GRIP1: variants seen among roughly 807,000 people sequenced by gnomAD.
The protein encoded by GRIP1 is glutamate receptor interacting protein 1, also known as glutamate receptor-interacting protein 1.
In GRIP1, 45 loss-of-function variants were observed where a neutral mutation model predicts 129.9. The observed-to-expected ratio is 0.35, with a 90% CI of 0.27 to 0.44. The LOEUF (loss-of-function observed/expected upper bound fraction) is 0.44, where lower values mean the gene tolerates loss of function less well. Ranked by LOEUF, GRIP1 falls within the 20% of genes least tolerant of loss-of-function variation. The pLI is 1.00. For synonymous variants in GRIP1, 530 were observed against 520.8 expected, an observed-to-expected ratio of 1.02 and a Z score of -0.24; for missense variants, 1,196 against 1,396.8, an observed-to-expected ratio of 0.86 and a Z score of 2.29.
At chr12:66,363,996 T>C (rs1168346) in intron 23 of GRIP1, among the ~76,000 whole-genome samples, 74,756 of 151,734 alleles carry the variant, frequency 0.49, 18,863 homozygotes, top group East Asian at 0.58. Flanking sequence ...CTCATGCCTA[T>C]AATCCCAGCA....
At chr12:66,776,629 T>A (rs2037989394) in intron 1 of GRIP1, among the ~76,000 whole-genome samples, 1 of 152,166 alleles carries the variant, frequency 6.6e-6, no homozygotes, top group Non-Finnish European at 1.5e-5. Context: ...CAGAGCAATA[T>A]TTGCTATAAT....
chr12:66,829,738 G>A (rs2039484083), intron 1 of GRIP1, among the ~76,000 whole-genome samples: 1 of 152,154 alleles, frequency 6.6e-6, no homozygotes, highest in Admixed American at 6.5e-5. Flanking sequence ...CAACCATACT[G>A]TGAGGTAAAC....
chr12:66,684,190 T>C (rs2034692419), intron 1 of GRIP1, among the ~76,000 whole-genome samples: 1 of 152,208 alleles, frequency 6.6e-6, no homozygotes, highest in African/African-American at 2.4e-5. Context: ...AATTTGACAC[T>C]TGCTTACAGA....
At chr12:66,633,697 G>T (rs933255741) in intron 1 of GRIP1, among the ~76,000 whole-genome samples, 13 of 152,102 alleles carry the variant, frequency 8.5e-5, no homozygotes, top group African/African-American at 2.4e-4. Flanking sequence ...AACTATAAGT[G>T]ACAGAACTAG....
At chr12:66,501,936 A>G (rs17102568) in intron 7 of GRIP1, among the ~76,000 whole-genome samples, 3,334 of 152,280 alleles carry the variant, frequency 0.022, 108 homozygotes, top group African/African-American at 0.077. Context: ...AAAATTTGTA[A>G]TTGTCAATGG....
chr12:66,999,681 G>A lies in GRIP1; in HGVS notation c.58+69369C>T, dbSNP rs79029961. 3.9e-5 allele frequency among the ~76,000 whole-genome samples: 6 copies of A among 152,212 alleles called. No individual in the cohort carries two copies. In the East Asian group the frequency reaches 5.8e-4, roughly 15 times the overall value. The stretch of plus-strand genomic sequence containing the variant: ...ATACAGAACTATCTAAATAATTAAT[G>A]TACATATGAAAGCACAAGGAGAAGC... On this transcript the variant is annotated intron_variant, in intron 1 of 1. Transcript: ENST00000643019.
chr12:66,390,539 G>A (rs1171881844), intron 19 of GRIP1, among the ~76,000 whole-genome samples: 1 of 152,140 alleles, frequency 6.6e-6, no homozygotes, highest in East Asian at 1.9e-4. Flanking sequence ...TTACTAGTGA[G>A]GGGCAGGTCC....
chr12:67,014,925 T>C (rs1438733191), intron 1 of GRIP1, among the ~76,000 whole-genome samples: 1 of 152,108 alleles, frequency 6.6e-6, no homozygotes, highest in Non-Finnish European at 1.5e-5. Context: ...AGTAGAAAAA[T>C]ATTTATTCTA....
intron 1 of GRIP1, among the ~76,000 whole-genome samples, chr12:66,903,633 C>G (rs2040879955): frequency 6.6e-6 from 1 of 152,030 alleles, no homozygotes; most frequent in South Asian, 2.1e-4. Context: ...ATCAAGTAAT[C>G]AAAGAAAGAT....
chr12:67,008,668 T>C (rs993544978), intron 1 of GRIP1, among the ~76,000 whole-genome samples: 2 of 152,094 alleles, frequency 1.3e-5, no homozygotes, highest in African/African-American at 4.8e-5. Context: ...CCTGGAAAAC[T>C]GAAATGATAA....
At chr12:66,811,602 GA>G (rs1213021927) in intron 1 of GRIP1, among the ~76,000 whole-genome samples, 2 of 151,828 alleles carry the variant, frequency 1.3e-5, no homozygotes, top group Admixed American at 6.6e-5. Flanking sequence ...GTCTCTCTCT[GA>G]TTCTCTCTCT....
intron 1 of GRIP1, among the ~76,000 whole-genome samples, chr12:66,612,501 T>C (rs2064848879): frequency 6.6e-6 from 1 of 151,732 alleles, no homozygotes; most frequent in Non-Finnish European, 1.5e-5. Flanking sequence ...TTTAAAAAGT[T>C]TTTCAAGTGC....
At chr12:66,388,020 A>G (rs550909230) in intron 19 of GRIP1, among the ~76,000 whole-genome samples, 24 of 152,282 alleles carry the variant, frequency 1.6e-4, no homozygotes, top group African/African-American at 5.8e-4. Context: ...CATAAAAGGA[A>G]TAAAATTTAA....
In GRIP1 at chr12:66,775,017, G is replaced by A. The variant is rs192413984; in HGVS notation, c.-420+29036C>T. ...CATTTCACAGGTGCTTGCTTGCAAA[G>A]ATGATTTGGAAAGATGGAGGTAAAT... On this transcript the variant is annotated intron_variant, in intron 1 of 4. Transcript: ENST00000538373. Among the ~76,000 whole-genome samples the A allele has an allele frequency of 1.1e-4, 16 of 152,298 alleles. No individual in the cohort carries two copies. In the East Asian group the frequency reaches 2.5e-3, roughly 24 times the overall value.
At chr12:66,949,556 C>A (rs888098971) in intron 1 of GRIP1, among the ~76,000 whole-genome samples, 19 of 152,216 alleles carry the variant, frequency 1.2e-4, no homozygotes, top group African/African-American at 2.9e-4. Context: ...TTTTCTCTTT[C>A]TTTTAAAATC....
At chr12:66,715,452 A>ATGTGTGTGTGTGTGTGTGTGTGTGTGTG (rs36142878) in intron 1 of GRIP1, among the ~76,000 whole-genome samples, 5 of 73,086 alleles carry the variant, frequency 6.8e-5, no homozygotes, top group East Asian at 8.9e-4. Flanking sequence ...TTGTAGCTTG[A>ATGTGTGTGTGTGTGTGTGTGTGTGTGTG]TGTGTGTGTG....
intron 23 of GRIP1, among the ~76,000 whole-genome samples, chr12:66,368,118 G>A (rs1036174650): frequency 6.6e-6 from 1 of 152,174 alleles, no homozygotes; most frequent in African/African-American, 2.4e-5. Flanking sequence ...AGGAAGGAAT[G>A]GGCAGAAAAT....
At chr12:66,823,545 C>T (rs1304079766) in intron 1 of GRIP1, among the ~76,000 whole-genome samples, 1 of 152,138 alleles carries the variant, frequency 6.6e-6, no homozygotes, top group Admixed American at 6.5e-5. Flanking sequence ...GTATTTAGTA[C>T]ATACTCTGGC....
intron 13 of GRIP1, among the ~76,000 whole-genome samples, chr12:66,443,273 T>C (rs951575659): frequency 4.6e-5 from 7 of 152,162 alleles, no homozygotes; most frequent in Admixed American, 1.3e-4. Flanking sequence ...TTAGGGAGAA[T>C]CCCCTTTGCC....
Sources: gnomAD v4.1 joint callset for allele counts (sites outside exome capture counted in the v4.1 genomes callset) on GRCh38, gnomAD v4.1.1 for gene constraint, MANE v1.5 for transcripts, NCBI Gene and HGNC (gene_info 2026-07-23, HGNC 2026-07-21) for gene names.